Variants in ANKS1B observed in about 807,000 individuals in gnomAD.
The protein encoded by ANKS1B is ankyrin repeat and sterile alpha motif domain-containing protein 1B.
A neutral mutation model predicts 148.3 loss-of-function variants in ANKS1B; 36 were observed. That is an observed-to-expected ratio of 0.24 (90% CI 0.19 to 0.32). ANKS1B has a LOEUF of 0.32. Ranked by LOEUF, ANKS1B falls within the 10% of genes least tolerant of loss-of-function variation. The pLI is 1.00. For synonymous variants in ANKS1B, 542 were observed against 560.8 expected (o/e 0.97, Z 0.47); for missense variants, 1,157 against 1,542.6 (o/e 0.75, Z 4.19).
At chr12:99,876,049 T>C (rs897793198) in intron 1 of ANKS1B, among the ~76,000 whole-genome samples, 3 of 152,138 alleles carry the variant, frequency 2.0e-5, no homozygotes, top group Non-Finnish European at 4.4e-5. Context: ...GACAGCAATA[T>C]GTAAACTGCT....
intron 14 of ANKS1B, among the ~76,000 whole-genome samples, chr12:99,162,425 A>G (rs552339937): frequency 3.4e-4 from 52 of 152,262 alleles, no homozygotes; most frequent in Admixed American, 1.1e-3. Flanking sequence ...CAAGAACAAA[A>G]TGCACATACA....
At chr12:98,926,772 A>G (rs572238983) in intron 17 of ANKS1B, among the ~76,000 whole-genome samples, 1 of 152,258 alleles carries the variant, frequency 6.6e-6, no homozygotes, top group East Asian at 1.9e-4. Flanking sequence ...GTGGGGCTCA[A>G]CAGAAGAAAG....
At chr12:99,122,567 T>C (rs1346585610) in intron 15 of ANKS1B, among the ~76,000 whole-genome samples, 1 of 152,214 alleles carries the variant, frequency 6.6e-6, no homozygotes. Context: ...TTACTGTGTA[T>C]GCAAGGTAAA....
At chr12:99,293,277 C>A (rs904314111) in intron 12 of ANKS1B, among the ~76,000 whole-genome samples, 23 of 151,534 alleles carry the variant, frequency 1.5e-4, no homozygotes, top group African/African-American at 5.6e-4. Context: ...CACATGTTCT[C>A]ACTCATAGGT....
chr12:99,047,748 T>G (rs2099963446), intron 17 of ANKS1B, among the ~76,000 whole-genome samples: 1 of 152,124 alleles, frequency 6.6e-6, no homozygotes, highest in Admixed American at 6.5e-5. Flanking sequence ...GAAGGCAAAA[T>G]GAAGTATTTT....
intron 8 of ANKS1B, among the ~76,000 whole-genome samples, chr12:99,693,164 A>C (rs1444940306): frequency 6.6e-6 from 1 of 152,242 alleles, no homozygotes; most frequent in African/African-American, 2.4e-5. Flanking sequence ...TTAAACAAAC[A>C]GAAGAATGTA....
chr12:99,428,028 T>C (rs531294145), intron 11 of ANKS1B, among the ~76,000 whole-genome samples: 2 of 152,074 alleles, frequency 1.3e-5, no homozygotes, highest in East Asian at 3.9e-4. Context: ...AGTTTAGAGG[T>C]TGTCATGAAG....
chr12:99,758,478 T>C (rs1055974127), intron 8 of ANKS1B, among the ~76,000 whole-genome samples: 6 of 152,000 alleles, frequency 3.9e-5, no homozygotes, highest in African/African-American at 1.2e-4. Flanking sequence ...TCCATACTTA[T>C]CACCTCTATC....
At chr12:99,934,202 T>C (rs1265062409) in intron 1 of ANKS1B, among the ~76,000 whole-genome samples, 2 of 152,184 alleles carry the variant, frequency 1.3e-5, no homozygotes, top group African/African-American at 4.8e-5. Flanking sequence ...TCTGCATCAA[T>C]GTTCATCAGT....
At chr12:99,145,158 A>C (rs146869500) in intron 15 of ANKS1B, among the ~76,000 whole-genome samples, 2 of 152,228 alleles carry the variant, frequency 1.3e-5, no homozygotes, top group East Asian at 3.9e-4. Context: ...GAGGACAGTG[A>C]AGGACAGTTG....
chr12:98,798,898 TCAGCTACTAGAAATAAA>T lies in ANKS1B; in HGVS notation c.3342+19_3342+35del, dbSNP rs1566638007. On this transcript the variant is annotated intron_variant, in intron 22 of 26. Coordinates refer to ENST00000683438, the MANE Select transcript of ANKS1B (RefSeq NM_001352186.2). ...GTATCCATACCCAGTATTTAGTATT[TCAGCTACTAGAAATAAA>T]GTAGTTTGGCAGACTTACCCGCATT... 1.3e-6 allele frequency: 2 copies of T among 1,572,368 alleles called. No individual in the cohort carries two copies. Among genetic ancestry groups the T allele is most frequent in the Non-Finnish European group, 1.7e-6 (2 of 1,151,936 alleles).
intron 16 of ANKS1B, among the ~76,000 whole-genome samples, chr12:99,066,666 T>C (rs2044442817): frequency 6.6e-6 from 1 of 152,200 alleles, no homozygotes; most frequent in Admixed American, 6.5e-5. Flanking sequence ...ATAGGTCTTT[T>C]CAGAGGCTGT....
At chr12:99,543,503 T>C (rs1326654242) in intron 9 of ANKS1B, among the ~76,000 whole-genome samples, 2 of 152,134 alleles carry the variant, frequency 1.3e-5, no homozygotes, top group Non-Finnish European at 2.9e-5. Context: ...AAACAAATGT[T>C]CATACAAAAA....
chr12:98,956,272 C>T (rs781741434), intron 17 of ANKS1B: 1 of 152,336 alleles, frequency 6.6e-6, no homozygotes, highest in East Asian at 1.9e-4. Context: ...GAACCCATCT[C>T]CCCCCTCCGT....
intron 8 of ANKS1B, among the ~76,000 whole-genome samples, chr12:99,748,253 A>G (rs2060789244): frequency 6.6e-6 from 1 of 152,090 alleles, no homozygotes; most frequent in African/African-American, 2.4e-5. Flanking sequence ...TGGCCAGATG[A>G]AAGTAAAAAC....
chr12:98,772,903 G>T, intron 25 of ANKS1B, 139 bp downstream of exon 25: 1 of 914,196 alleles, frequency 1.1e-6, no homozygotes, highest in Non-Finnish European at 1.6e-6. Flanking sequence ...GGCAGCCCTA[G>T]CAAACAAATA....
intron 12 of ANKS1B, among the ~76,000 whole-genome samples, chr12:99,282,947 A>G (rs150695392): frequency 1.3e-5 from 2 of 152,324 alleles, no homozygotes; most frequent in Non-Finnish European, 2.9e-5. Flanking sequence ...ATAAGACAAT[A>G]AACTATTGAG....
At chr12:99,392,978 G>C (rs765415086) in intron 12 of ANKS1B, among the ~76,000 whole-genome samples, 1 of 151,974 alleles carries the variant, frequency 6.6e-6, no homozygotes, top group Non-Finnish European at 1.5e-5. Flanking sequence ...TCTTTCCAAA[G>C]GTCAAAACAC....
At chr12:99,868,950 G>A (rs2091115255) in intron 1 of ANKS1B, among the ~76,000 whole-genome samples, 1 of 152,110 alleles carries the variant, frequency 6.6e-6, no homozygotes, top group Non-Finnish European at 1.5e-5. Context: ...CCAGCTACTT[G>A]GGAGGCTAAG....
Sources: allele counts gnomAD v4.1 joint callset (sites outside exome capture counted in the v4.1 genomes callset), GRCh38; gene constraint gnomAD v4.1.1; transcripts MANE v1.5; gene names NCBI Gene and HGNC (gene_info 2026-07-23, HGNC 2026-07-21).